MYOM1: variants seen among roughly 807,000 people sequenced by gnomAD.
MYOM1 encodes the protein myomesin 1.
In MYOM1, 164 loss-of-function variants were observed where a neutral mutation model predicts 205.3. That is an observed-to-expected ratio of 0.80 (90% CI 0.70 to 0.91). The LOEUF (loss-of-function observed/expected upper bound fraction) is 0.91, where lower values mean the gene tolerates loss of function less well. Ranked by LOEUF, MYOM1 falls within the 40% of genes least tolerant of loss-of-function variation. MYOM1 has a pLI of 0.00. For synonymous variants in MYOM1, 772 were observed against 789.4 expected, an observed-to-expected ratio of 0.98 and a Z score of 0.37; for missense variants, 2,011 against 2,127.3, an observed-to-expected ratio of 0.95 and a Z score of 1.08.
chr18:3,071,600 C>T (rs975558621), intron 37 of MYOM1, among the ~76,000 whole-genome samples: 13 of 152,086 alleles, frequency 8.5e-5, no homozygotes, highest in African/African-American at 3.1e-4. Context: ...CTCAGGTGAT[C>T]CGCCCGCCTC....
rs562478950 is a variant in MYOM1, at chr18:3,130,598, T to A, written c.2506+777A>T. ...TTCTGAATAGCTGGGACTACAGACATGCACCACCATGCCTGGCTAATTTTT... is the reference window on the plus strand; with the variant it reads ...TTCTGAATAGCTGGGACTACAGACAAGCACCACCATGCCTGGCTAATTTTT... On this transcript the variant is annotated intron_variant, in intron 17 of 37. Transcript: ENST00000356443. 2.6e-5 allele frequency among the ~76,000 whole-genome samples: 4 copies of A among 152,204 alleles called. No individual in the cohort carries two copies. The South Asian group carries it at 8.3e-4, about 32-fold the overall frequency.
intron 2 of MYOM1, among the ~76,000 whole-genome samples, chr18:3,214,277 G>A (rs1164715853): frequency 2.0e-5 from 3 of 152,158 alleles, no homozygotes; most frequent in African/African-American, 4.8e-5. Context: ...CATTCTGAGC[G>A]CAAGGAAACC....
At chr18:3,069,254 T>C (rs980088809) in intron 37 of MYOM1, among the ~76,000 whole-genome samples, 1 of 152,140 alleles carries the variant, frequency 6.6e-6, no homozygotes, top group African/African-American at 2.4e-5. Context: ...TTCTGATAGG[T>C]GTGGTGTGAT....
At chr18:3,184,255 C>G (rs1051427005) in intron 5 of MYOM1, among the ~76,000 whole-genome samples, 8 of 152,092 alleles carry the variant, frequency 5.3e-5, no homozygotes, top group African/African-American at 1.7e-4. Flanking sequence ...CTAATCCTAT[C>G]CAGAAGTCAA....
intron 11 of MYOM1, among the ~76,000 whole-genome samples, chr18:3,153,648 T>C (rs1277999464): frequency 6.6e-6 from 1 of 152,194 alleles, no homozygotes; most frequent in African/African-American, 2.4e-5. Flanking sequence ...TGTGGAAGCA[T>C]TAGTTCACAT....
intron 5 of MYOM1, among the ~76,000 whole-genome samples, chr18:3,182,646 G>C (rs2080752499): frequency 6.6e-6 from 1 of 152,100 alleles, no homozygotes; most frequent in East Asian, 1.9e-4. Flanking sequence ...AGGGTCAATA[G>C]CTTTTCTTGG....
chr18:3,114,990 T>C (rs1598686365), intron 21 of MYOM1, among the ~76,000 whole-genome samples: 1 of 152,106 alleles, frequency 6.6e-6, no homozygotes, highest in East Asian at 1.9e-4. Context: ...CACCTTTGTT[T>C]CGCTTCACCC....
intron 29 of MYOM1, among the ~76,000 whole-genome samples, chr18:3,088,574 C>T (rs1363785692): frequency 1.3e-5 from 2 of 152,172 alleles, no homozygotes; most frequent in Non-Finnish European, 2.9e-5. Context: ...CACGCTCCAA[C>T]CTCACCCACC....
chr18:3,089,312 T>G, intron 28 of MYOM1, 71 bp from the exon 29 acceptor site: 2 of 1,220,048 alleles, frequency 1.6e-6, no homozygotes, highest in Non-Finnish European at 2.3e-6. Context: ...CACACTTAAG[T>G]CCTAAGGTGA....
chr18:3,092,422 G>T (rs1301836887), intron 26 of MYOM1, among the ~76,000 whole-genome samples: 1 of 151,722 alleles, frequency 6.6e-6, no homozygotes, highest in Non-Finnish European at 1.5e-5. Context: ...CAAACTCTGA[G>T]CCTCAAGTAA....
At chr18:3,127,305 A>ATATATTTTTTTTTT (rs56880961) in intron 18 of MYOM1, among the ~76,000 whole-genome samples, 17 of 47,562 alleles carry the variant, frequency 3.6e-4, no homozygotes, top group African/African-American at 4.6e-4. Flanking sequence ...ATATATATAT[A>ATATATTTTTTTTTT]TTTTTTTTTT....
At chr18:3,070,805 T>C (rs1349560959) in intron 37 of MYOM1, among the ~76,000 whole-genome samples, 3 of 151,944 alleles carry the variant, frequency 2.0e-5, no homozygotes, top group African/African-American at 7.3e-5. Flanking sequence ...ACAGGGTGTC[T>C]GTCGCCCGGG....
rs1598703240 is a variant in MYOM1, at chr18:3,129,356, G to A, written c.2670C>T (p.Asn890=). The change falls in exon 18 of 38, where the codon AAC becomes AAT. Residue 890 remains asparagine (N), a synonymous_variant. Transcript: ENST00000356443. ...CTTTACTCACTTCTGTTTGGCCCAGGTTTTGAGAGCTACTGGGTAGTGAAG... is the reference window on the plus strand; with the variant it reads ...CTTTACTCACTTCTGTTTGGCCCAGATTTTGAGAGCTACTGGGTAGTGAAG... ...NKPSLPSSSQ[N]LGQTEVSKVS... 2 of 1,613,968 alleles carry A rather than the reference G, an allele frequency of 1.2e-6. No individual in the cohort carries two copies. Among genetic ancestry groups the A allele is most frequent in the Admixed American group, 1.7e-5 (1 of 60,024 alleles).
At chr18:3,241,167 T>C in the MYOM1 span, among the ~76,000 whole-genome samples, 1 of 152,132 alleles carries the variant, frequency 6.6e-6, no homozygotes. Flanking sequence ...TTGCAGAAAT[T>C]TGAATAAGTA....
rs758491831 is a variant in MYOM1 at position 3,112,413 on chromosome 18, C to A, written c.3304-1G>T. On this transcript the variant is annotated splice_acceptor_variant, in intron 21 of 37. Coordinates refer to ENST00000356443, the MANE Select transcript of MYOM1 (RefSeq NM_003803.4). LOFTEE classifies it high-confidence loss of function. Reference sequence around the variant, plus strand: ...TGACGCCCTCCTTGAGGCCTCGAACCTGGTAGAAGCAGGTGTAGAAGCAAT... The same window carrying A: ...TGACGCCCTCCTTGAGGCCTCGAACATGGTAGAAGCAGGTGTAGAAGCAAT... 1.3e-6 allele frequency: 2 copies of A among 1,593,032 alleles called. No individual in the cohort carries two copies. Among genetic ancestry groups the A allele is most frequent in the Non-Finnish European group, 1.7e-6 (2 of 1,166,472 alleles).
chr18:3,218,851 CTCTT>C (rs1481030133), intron 1 of MYOM1, among the ~76,000 whole-genome samples: 42 of 152,182 alleles, frequency 2.8e-4, no homozygotes, highest in African/African-American at 8.9e-4. Context: ...ATTTTTTACT[CTCTT>C]TATTTCTATT....
At position 3,187,523 on chromosome 18, in the gene MYOM1, A is replaced by G; in HGVS notation, c.886T>C (p.Leu296=). 1 of 1,613,930 alleles carries G rather than the reference A, an allele frequency of 6.2e-7. No individual in the cohort carries two copies. ...GGCCAGCCTGCTATGGAGCAATGCA[A>G]TTTTACATTCTCCTTCTCCCAAACC... is the stretch of plus-strand genomic sequence containing the variant. ...HTVWEKENVK[L]HCSIAGWPEP... The change falls in exon 5 of 38, where the codon TTG becomes CTG. Residue 296 remains leucine, a synonymous_variant. Transcript: ENST00000356443.
At chr18:3,235,325 G>C in the MYOM1 span, among the ~76,000 whole-genome samples, 2 of 152,054 alleles carry the variant, frequency 1.3e-5, no homozygotes, top group Non-Finnish European at 1.5e-5. Flanking sequence ...CCTTACTTCA[G>C]TGAGTGGCCT....
At chr18:3,215,337 T>G in intron 1 of MYOM1, 86 bp from the exon 2 acceptor site, 1 of 1,086,324 alleles carries the variant, frequency 9.2e-7, no homozygotes, top group Non-Finnish European at 1.3e-6. Context: ...TAAAAATCAA[T>G]ACTCTTGGCT....
Sources: gnomAD v4.1 joint callset for allele counts (sites outside exome capture counted in the v4.1 genomes callset) on GRCh38, gnomAD v4.1.1 for gene constraint, MANE v1.5 for transcripts, NCBI Gene and HGNC (gene_info 2026-07-23, HGNC 2026-07-21) for gene names.